Variants in BECN1 observed in about 807,000 individuals in gnomAD.
The protein encoded by BECN1 is beclin 1.
A neutral mutation model predicts 60.1 loss-of-function variants in BECN1; 15 were observed. That is an observed-to-expected ratio of 0.25 (90% confidence interval 0.17 to 0.38). BECN1 has a LOEUF of 0.38. Among genes scored for constraint, BECN1 ranks in the 10% least tolerant of loss-of-function variants. BECN1 has a pLI of 1.00. For missense variants in BECN1, 424 were observed against 548.2 expected (o/e 0.77, Z 2.26); for synonymous variants, 179 against 201.8 (o/e 0.89, Z 0.96).
intron 7 of BECN1, 70 bp downstream of exon 7, chr17:42,818,151 C>T (rs2055182805): frequency 1.3e-6 from 2 of 1,521,408 alleles, no homozygotes; most frequent in Non-Finnish European, 1.8e-6. Flanking sequence ...TATTCAGACA[C>T]ATTCAGCTGG....
rs768365766 is a variant in BECN1, at chr17:42,818,578, G to C, written c.454C>G (p.Leu152Val). Residue 152 changes from leucine to valine, a missense_variant, in exon 6 of 12, where the codon CTC becomes GTC. Transcript: ENST00000590099. ...DTLLDQLDTQ[L>V]NVTENECQNY... ...TGACACTCATTTTCAGTGACGTTGAGCTGAGTGTCCAGCTGGTCTAAAAGA... is the reference window on the plus strand; with the variant it reads ...TGACACTCATTTTCAGTGACGTTGACCTGAGTGTCCAGCTGGTCTAAAAGA... The C allele has an allele frequency of 6.2e-7, 1 of 1,614,198 alleles. No individual in the cohort carries two copies. Among genetic ancestry groups the C allele is most frequent in the East Asian group, 2.2e-5 (1 of 44,886 alleles).
At chr17:42,814,458 T>C (rs1337951835) in intron 9 of BECN1, 66 bp downstream of exon 9, 17 of 1,595,172 alleles carry the variant, frequency 1.1e-5, no homozygotes, top group Non-Finnish European at 1.3e-5. Context: ...TGGACAGCAG[T>C]ACCAGGTTGG....
In BECN1 at chr17:42,810,626, G is replaced by T; in HGVS notation, c.*134C>A. 1 of 911,598 alleles carries T rather than the reference G, an allele frequency of 1.1e-6. No homozygotes were observed. Among genetic ancestry groups the T allele is most frequent in the African/African-American group, 1.7e-5 (1 of 58,196 alleles). The allele number at this position is 911,598 out of a possible 1,614,324, so 56.5% of individuals were successfully genotyped here. ...TCACATGATATTTTAAAATAAAGTG[G>T]CTTTTGTGGATTTTTTCTTTTTTGG... On this transcript the variant is annotated 3_prime_UTR_variant, in exon 12 of 12. Transcript: ENST00000590099.
rs371278966 is a variant in BECN1, at chr17:42,816,085, T to C, written c.684-31A>G. 7 of 1,542,216 alleles carry C rather than the reference T, an allele frequency of 4.5e-6. No individual in the cohort carries two copies. The African/African-American group carries it at 9.7e-5, about 21-fold the overall frequency. ...AGCAGCCAAGGGGGCCATTGAAGGCTGTTAGCTTGGGGGCTAAAGTTTCTC... is the reference window on the plus strand; with the variant it reads ...AGCAGCCAAGGGGGCCATTGAAGGCCGTTAGCTTGGGGGCTAAAGTTTCTC... On this transcript the variant is annotated intron_variant, in intron 7 of 11. Transcript: ENST00000590099.
chr17:42,821,788 AGAC>A (rs2055269622), intron 2 of BECN1, among the ~76,000 whole-genome samples: 1 of 152,262 alleles, frequency 6.6e-6, no homozygotes, highest in South Asian at 2.1e-4. Context: ...ATGGAGGTGT[AGAC>A]AACATAAGAA....
chr17:42,815,323 T>G (rs973871435), intron 8 of BECN1, among the ~76,000 whole-genome samples: 1 of 152,070 alleles, frequency 6.6e-6, no homozygotes, highest in African/African-American at 2.4e-5. Flanking sequence ...TAATGTTCTC[T>G]CTGCTAGGAA....
At position 42,818,234 on chromosome 17, in the gene BECN1, G is replaced by C. The variant is rs1380163595; in HGVS notation, c.670C>G (p.Gln224Glu). The part of the protein sequence containing the change: ...KVQAEAERLD[Q>E]EEAQYQREYS... ...GTGAGCACTCACTGAGCTTCCTCCTGATCCAGTCTCTCAGCCTCAGCCTGG... is the reference window on the plus strand; with the variant it reads ...GTGAGCACTCACTGAGCTTCCTCCTCATCCAGTCTCTCAGCCTCAGCCTGG... The change falls in exon 7 of 12, where the codon CAG becomes GAG. Residue 224 changes from glutamine (Q) to glutamate (E), a missense_variant. Around this residue, in one of 3 missense-constraint regions of BECN1, gnomAD observed 326 missense variants for 406.2 expected, o/e 0.80. Transcript: ENST00000590099. 8.1e-6 allele frequency: 13 copies of C among 1,614,104 alleles called. No homozygotes were observed. Among genetic ancestry groups the C allele is most frequent in the South Asian group, 4.4e-5 (4 of 91,070 alleles).
At chr17:42,817,061 G>T (rs189203624) in intron 7 of BECN1, among the ~76,000 whole-genome samples, 2 of 152,188 alleles carry the variant, frequency 1.3e-5, no homozygotes, top group Non-Finnish European at 2.9e-5. Context: ...TTGGGAGGCT[G>T]AGGCAGGTGG....
chr17:42,819,098 TAAG>T, intron 4 of BECN1: 1 of 564,818 alleles, frequency 1.8e-6, no homozygotes, highest in Non-Finnish European at 3.1e-6. Context: ...CTTGGTGGAC[TAAG>T]GAGGGAGAGG....
chr17:42,823,882 G>A lies in BECN1; in HGVS notation c.-2-3C>T, dbSNP rs1323112027. 23 of 1,612,442 alleles carry A rather than the reference G, an allele frequency of 1.4e-5. No individual in the cohort carries two copies. Among genetic ancestry groups the A allele is most frequent in the East Asian group, 2.2e-5 (1 of 44,810 alleles). On this transcript the variant is annotated splice_region_variant and splice_polypyrimidine_tract_variant and intron_variant, in intron 1 of 11. Coordinates refer to ENST00000590099, the MANE Select transcript of BECN1 (RefSeq NM_001313998.2). ...GGACGTCTTAGACCCTTCCATCCCTGAGGCCGTGGAAAAGAGGCAACATTA... is the reference window on the plus strand; with the variant it reads ...GGACGTCTTAGACCCTTCCATCCCTAAGGCCGTGGAAAAGAGGCAACATTA...
chr17:42,824,123 A>C (rs1432969013), intron 1 of BECN1, 32 bp downstream of exon 1: 1 of 505,554 alleles, frequency 2.0e-6, no homozygotes, highest in African/African-American at 1.9e-5. Context: ...ACTCCCTTCT[A>C]AGGTCCCACC....
chr17:42,818,428 C>A lies in BECN1; in HGVS notation c.489-13G>T. The A allele has an allele frequency of 1.9e-6, 3 of 1,613,924 alleles. No homozygotes were observed. The highest frequency in any genetic ancestry group is 2.2e-5 in the South Asian group (2 of 91,062). ...CTCCAAACAGCGTCTGCCAAAGACACAGGCAGACTATACTTACTAGAGCTC... is the reference window on the plus strand; with the variant it reads ...CTCCAAACAGCGTCTGCCAAAGACAAAGGCAGACTATACTTACTAGAGCTC... On this transcript the variant is annotated splice_polypyrimidine_tract_variant and intron_variant, in intron 6 of 11. Coordinates refer to ENST00000590099, the MANE Select transcript of BECN1 (RefSeq NM_001313998.2).
intron 2 of BECN1, among the ~76,000 whole-genome samples, chr17:42,823,170 C>A (rs868155456): frequency 3.3e-5 from 5 of 152,146 alleles, no homozygotes; most frequent in African/African-American, 1.2e-4. Context: ...AGTAAGTCCT[C>A]AAAAAATACC....
intron 2 of BECN1, among the ~76,000 whole-genome samples, chr17:42,821,302 G>A (rs772517128): frequency 9.9e-5 from 15 of 152,080 alleles, no homozygotes; most frequent in Non-Finnish European, 8.8e-5. Flanking sequence ...TGATCCACCC[G>A]TCTCAGCTAC....
intron 8 of BECN1, 134 bp downstream of exon 8, chr17:42,815,774 T>C: frequency 8.5e-7 from 1 of 1,172,780 alleles, no homozygotes; most frequent in Non-Finnish European, 1.3e-6. Flanking sequence ...ATCCCATCAC[T>C]ATGAATGAAA....
In BECN1 at chr17:42,820,708, A is replaced by AT. The variant is rs563827666; in HGVS notation, c.198+65dup. ...AAACCAAGCCTGCATTCCTGTTTTC[A>AT]TATCATATCTCTCATTTGGAATGTT... On this transcript the variant is annotated intron_variant, in intron 3 of 11. Transcript: ENST00000590099. 157 of 1,477,490 alleles carry AT rather than the reference A, an allele frequency of 1.1e-4. No homozygotes were observed. The African/African-American group carries it at 1.9e-3, about 18-fold the overall frequency. The allele number at this position is 1,477,490 out of a possible 1,614,324, so 91.5% of individuals were successfully genotyped here. A position where few individuals can be genotyped will look rare whatever the true frequency, so the allele number is the denominator to read the frequency against.
chr17:42,820,980 G>A (rs899958331), intron 2 of BECN1, 139 bp from the exon 3 acceptor site: 1 of 701,618 alleles, frequency 1.4e-6, no homozygotes, highest in Non-Finnish European at 2.5e-6. Flanking sequence ...TACACCAAAA[G>A]AATCTGTGGT....
Position 42,810,614 on chromosome 17 carries a change from T to G in BECN1, c.*146A>C, listed in dbSNP as rs2054976180. The G allele has an allele frequency of 1.2e-6, 1 of 832,752 alleles. No individual in the cohort carries two copies. Among genetic ancestry groups the G allele is most frequent in the Non-Finnish European group, 1.7e-6 (1 of 575,948 alleles). 51.6% of individuals were successfully genotyped at this position (832,752 alleles called of 1,614,324 possible). A position where few individuals can be genotyped will look rare whatever the true frequency, so the allele number is the denominator to read the frequency against. The stretch of plus-strand genomic sequence containing the variant: ...GGAAAGTATCTGTCACATGATATTT[T>G]AAAATAAAGTGGCTTTTGTGGATTT... On this transcript the variant is annotated 3_prime_UTR_variant, in exon 12 of 12. Coordinates refer to ENST00000590099, the MANE Select transcript of BECN1 (RefSeq NM_001313998.2).
rs753962806 is a variant in BECN1 at position 42,819,550 on chromosome 17, G to C, written c.258C>G (p.Ala86=). ...GGGGGCTGAGAAGTAGTAGGCACCTGGCTGGGGGGATGAATCTGCGAGAGA... is the reference window on the plus strand; with the variant it reads ...GGGGGCTGAGAAGTAGTAGGCACCTCGCTGGGGGGATGAATCTGCGAGAGA... The part of the protein sequence containing the change: ...DGVSRRFIPP[A]RMMSTESANS... Residue 86 remains alanine, a splice_region_variant and synonymous_variant, in exon 4 of 12, where the codon GCC becomes GCG. Transcript: ENST00000590099. 6.2e-7 allele frequency: 1 copy of C among 1,613,546 alleles called. No individual in the cohort carries two copies. The highest frequency in any genetic ancestry group is 1.1e-5 in the South Asian group (1 of 90,802).
Sources: gnomAD v4.1 joint callset for allele counts (sites outside exome capture counted in the v4.1 genomes callset) on GRCh38, gnomAD v4.1.1 for gene constraint, gnomAD v4.1.1 regional missense constraint, MANE v1.5 for transcripts, NCBI Gene and HGNC (gene_info 2026-07-23, HGNC 2026-07-21) for gene names.